The following PVT1 variants were observed in gnomAD, a reference collection of about 807,000 sequenced individuals.
The protein encoded by PVT1 is Pvt1 oncogene.
intron 4 of PVT1, among the ~76,000 whole-genome samples, chr8:128,028,272 C>T (rs1044601194): frequency 1.3e-5 from 2 of 152,270 alleles, no homozygotes; most frequent in African/African-American, 4.8e-5. Flanking sequence ...GACCTGGCTG[C>T]TCCCAGGCCC....
intron 3 of PVT1, among the ~76,000 whole-genome samples, chr8:127,974,216 A>G (rs890882645): frequency 1.3e-5 from 2 of 152,150 alleles, no homozygotes; most frequent in Non-Finnish European, 1.5e-5. Flanking sequence ...CGTTGCTAAT[A>G]TATCACCCCA....
chr8:127,991,136 C>CTTTTT (rs1471313507), intron 4 of PVT1, among the ~76,000 whole-genome samples: 7 of 136,394 alleles, frequency 5.1e-5, no homozygotes, highest in South Asian at 2.2e-4. Context: ...TTTTTCTTTT[C>CTTTTT]TTTCTTTTTT....
At chr8:127,857,974 G>A (rs991623265) in intron 2 of PVT1, among the ~76,000 whole-genome samples, 1 of 152,210 alleles carries the variant, frequency 6.6e-6, no homozygotes, top group African/African-American at 2.4e-5. Flanking sequence ...TGTGAGTTAA[G>A]GAAATAAAGA....
At position 127,809,849 on chromosome 8, in the gene PVT1, G is replaced by A. The variant is rs867140670; in HGVS notation, n.372+13778G>A. On this transcript the variant is annotated intron_variant and non_coding_transcript_variant, in intron 2 of 10. Transcript: ENST00000651587. ...GGGCCAGCAGCAGCATTGGGATCAC[G>A]TCAGCCAATCTTCGCACTTAGAGAT... Among the ~76,000 whole-genome samples the A allele has an allele frequency of 5.3e-5, 8 of 152,310 alleles. No individual in the cohort carries two copies. The South Asian group carries it at 1.0e-3, about 20-fold the overall frequency.
chr8:127,941,348 G>A (rs1816347165), intron 3 of PVT1, among the ~76,000 whole-genome samples: 1 of 152,206 alleles, frequency 6.6e-6, no homozygotes, highest in Non-Finnish European at 1.5e-5. Context: ...CTATTGCCAT[G>A]GGAGGCAACA....
chr8:127,989,199 G>GA (rs1321726398), exon 4 of PVT1: 1 of 152,140 alleles, frequency 6.6e-6, no homozygotes, highest in Non-Finnish European at 1.5e-5. Flanking sequence ...CTTTCAATCT[G>GA]AAAAAATACA....
At chr8:127,870,794 G>A (rs2129769252) in intron 2 of PVT1, among the ~76,000 whole-genome samples, 1 of 152,264 alleles carries the variant, frequency 6.6e-6, no homozygotes, top group Non-Finnish European at 1.5e-5. Context: ...AAGTTGTCTG[G>A]GTCAAGGCAA....
intron 4 of PVT1, among the ~76,000 whole-genome samples, chr8:128,031,742 A>G (rs1346399187): frequency 6.6e-6 from 1 of 152,224 alleles, no homozygotes; most frequent in African/African-American, 2.4e-5. Flanking sequence ...AATCTTCATA[A>G]TGACACTAAG....
At chr8:127,949,512 G>A (rs1192473685) in intron 3 of PVT1, among the ~76,000 whole-genome samples, 1 of 150,132 alleles carries the variant, frequency 6.7e-6, no homozygotes, top group Non-Finnish European at 1.5e-5. Context: ...TCCCTTCACT[G>A]CCACTGCCCA....
intron 2 of PVT1, among the ~76,000 whole-genome samples, chr8:127,849,340 GA>G (rs143427252): frequency 0.011 from 1,721 of 152,220 alleles, 35 homozygotes; most frequent in African/African-American, 0.039. Context: ...AACCATGGGT[GA>G]AAAACAGCTC....
intron 5 of PVT1, among the ~76,000 whole-genome samples, chr8:128,073,887 A>C (rs1199018142): frequency 6.6e-6 from 1 of 152,000 alleles, no homozygotes; most frequent in Non-Finnish European, 1.5e-5. Context: ...CAAAGATGAA[A>C]GTCCAAGTGC....
At chr8:127,851,567 C>G (rs896957360) in intron 2 of PVT1, among the ~76,000 whole-genome samples, 1 of 152,146 alleles carries the variant, frequency 6.6e-6, no homozygotes, top group Non-Finnish European at 1.5e-5. Flanking sequence ...ACGGACACAG[C>G]CATTCTCTGG....
At chr8:127,806,326 TGGC>T (rs1814526562) in intron 2 of PVT1, among the ~76,000 whole-genome samples, 1 of 152,120 alleles carries the variant, frequency 6.6e-6, no homozygotes, top group African/African-American at 2.4e-5. Flanking sequence ...CTGGGTGTGG[TGGC>T]GTGTGCCTGT....
intron 3 of PVT1, among the ~76,000 whole-genome samples, chr8:127,973,132 G>A (rs1816782311): frequency 6.6e-6 from 1 of 152,126 alleles, no homozygotes; most frequent in East Asian, 1.9e-4. Flanking sequence ...TGAACTCCAA[G>A]CAATCCTCCT....
intron 3 of PVT1, among the ~76,000 whole-genome samples, chr8:127,943,969 T>C (rs1226245425): frequency 6.6e-6 from 1 of 152,224 alleles, no homozygotes. Context: ...TTTGTGTGAT[T>C]AAAGAGGCAA....
At chr8:127,818,943 C>T (rs1814697916) in intron 2 of PVT1, among the ~76,000 whole-genome samples, 1 of 152,192 alleles carries the variant, frequency 6.6e-6, no homozygotes, top group African/African-American at 2.4e-5. Context: ...CAGCCTCTGT[C>T]TGCCAGGCTC....
At chr8:127,834,955 G>A (rs1211735684) in intron 2 of PVT1, among the ~76,000 whole-genome samples, 1 of 152,192 alleles carries the variant, frequency 6.6e-6, no homozygotes, top group Non-Finnish European at 1.5e-5. Flanking sequence ...AACAGATGCT[G>A]GAGAGGATGT....
At chr8:127,860,222 G>A (rs962599236) in intron 2 of PVT1, among the ~76,000 whole-genome samples, 3 of 152,172 alleles carry the variant, frequency 2.0e-5, no homozygotes, top group South Asian at 4.1e-4. Context: ...GCAGGAGGCC[G>A]GCTCCTGGCA....
chr8:127,842,061 GTTA>G (rs1814980984), intron 2 of PVT1, among the ~76,000 whole-genome samples: 1 of 150,398 alleles, frequency 6.6e-6, no homozygotes, highest in African/African-American at 2.4e-5. Context: ...ATTTATATTT[GTTA>G]TTATATTTTT....
Sources: gnomAD v4.1 joint callset for allele counts (sites outside exome capture counted in the v4.1 genomes callset) on GRCh38, gnomAD v4.1.1 for gene constraint, MANE v1.5 for transcripts, NCBI Gene and HGNC (gene_info 2026-07-23, HGNC 2026-07-21) for gene names.